The following JAK1 variants were observed in gnomAD, a reference collection of about 807,000 sequenced individuals.
The protein encoded by JAK1 is tyrosine-protein kinase JAK1.
In JAK1, 16 loss-of-function variants were observed where a neutral mutation model predicts 136.6. That is an observed-to-expected ratio of 0.12 (90% CI 0.08 to 0.18). The LOEUF (loss-of-function observed/expected upper bound fraction) is 0.18, where lower values mean the gene tolerates loss of function less well. Ranked by LOEUF, JAK1 falls within the 10% of genes least tolerant of loss-of-function variation. JAK1 has a pLI of 1.00. For synonymous variants in JAK1, 492 were observed against 519.5 expected, an observed-to-expected ratio of 0.95 and a Z score of 0.72; for missense variants, 859 against 1,450.1, an observed-to-expected ratio of 0.59 and a Z score of 6.62.
At chr1:65,024,523 C>T (rs1646961477) in intron 2 of JAK1, among the ~76,000 whole-genome samples, 1 of 151,984 alleles carries the variant, frequency 6.6e-6, no homozygotes, top group Non-Finnish European at 1.5e-5. Flanking sequence ...TCTGTTGTAA[C>T]AGGTAAGCCT....
chr1:64,958,498 G>A (rs1235813329), intron 1 of JAK1, among the ~76,000 whole-genome samples: 2 of 152,182 alleles, frequency 1.3e-5, no homozygotes, highest in East Asian at 3.8e-4. Flanking sequence ...TCTATGTTAT[G>A]TGAATTAGTG....
At chr1:64,848,015 C>T (rs765951586) in intron 12 of JAK1, 5 of 216,070 alleles carry the variant, frequency 2.3e-5, no homozygotes, top group Admixed American at 5.5e-5. Context: ...GGGTCCCACC[C>T]CAGGCCTCCA....
At chr1:64,901,234 C>T (rs535256037) in intron 1 of JAK1, among the ~76,000 whole-genome samples, 1 of 152,146 alleles carries the variant, frequency 6.6e-6, no homozygotes, top group Non-Finnish European at 1.5e-5. Flanking sequence ...CTGACTATCC[C>T]CACCTCCTTC....
rs186172382 is a variant in JAK1, at chr1:64,837,063, C to T, written c.3141-848G>A. 1.2e-4 allele frequency among the ~76,000 whole-genome samples: 19 copies of T among 152,246 alleles called. No homozygotes were observed. In the South Asian group the frequency reaches 2.1e-3, roughly 17 times the overall value. ...CTAGTCACGCATGCTGTCTAGCAAC[C>T]GTCTGTCTAAACCCGCATGAATCTT... On this transcript the variant is annotated intron_variant, in intron 22 of 24. Transcript: ENST00000342505.
chr1:64,865,437 C>A (rs555167337), intron 7 of JAK1, among the ~76,000 whole-genome samples: 1 of 151,912 alleles, frequency 6.6e-6, no homozygotes, highest in East Asian at 1.9e-4. Flanking sequence ...AGAGAAGACA[C>A]GAATTTCATG....
intron 2 of JAK1, among the ~76,000 whole-genome samples, chr1:64,995,869 G>T (rs1646699358): frequency 1.3e-5 from 2 of 152,068 alleles, no homozygotes; most frequent in Admixed American, 6.6e-5. Context: ...CTCCTGAGTA[G>T]CCGGGACTAC....
intron 1 of JAK1, among the ~76,000 whole-genome samples, chr1:64,931,881 A>C (rs1350589929): frequency 1.3e-5 from 2 of 151,686 alleles, no homozygotes; most frequent in Non-Finnish European, 2.9e-5. Context: ...TATTAATGGA[A>C]GTGTTGTTCA....
rs559392338 is a variant in JAK1, at chr1:65,017,293, AC to A, written c.-78+27186del. On this transcript the variant is annotated intron_variant, in intron 2 of 25. Coordinates refer to the JAK1 transcript ENST00000671954. ...AGACCAGCCTAGCCAACATGGCGAA[AC>A]CCTGTCTCTACTAAAAATATAAAAA... 4.1e-4 allele frequency among the ~76,000 whole-genome samples: 63 copies of A among 152,164 alleles called. 2 individuals are homozygous for A. In the South Asian group the frequency reaches 0.013, roughly 31 times the overall value.
At chr1:64,843,777 A>G (rs1435294226) in intron 17 of JAK1, among the ~76,000 whole-genome samples, 4 of 152,234 alleles carry the variant, frequency 2.6e-5, no homozygotes, top group African/African-American at 9.7e-5. Context: ...AAATAATACT[A>G]TAACATCTAT....
chr1:64,957,084 C>T (rs1646201025), intron 1 of JAK1, among the ~76,000 whole-genome samples: 1 of 152,106 alleles, frequency 6.6e-6, no homozygotes, highest in South Asian at 2.1e-4. Context: ...AGGAAGCAGT[C>T]TCATGAGTGT....
At chr1:64,856,874 C>G (rs1387263294) in intron 10 of JAK1, among the ~76,000 whole-genome samples, 2 of 152,184 alleles carry the variant, frequency 1.3e-5, no homozygotes, top group African/African-American at 2.4e-5. Flanking sequence ...CTGCGTCTAC[C>G]CTCCGTGCCA....
intron 2 of JAK1, among the ~76,000 whole-genome samples, chr1:64,980,805 T>C (rs1289089116): frequency 6.6e-6 from 1 of 151,874 alleles, no homozygotes; most frequent in Non-Finnish European, 1.5e-5. Context: ...TTCCCACCTA[T>C]GGAGTGAGAA....
intron 2 of JAK1, among the ~76,000 whole-genome samples, chr1:64,973,470 T>C (rs1319608815): frequency 6.6e-6 from 1 of 152,018 alleles, no homozygotes; most frequent in East Asian, 1.9e-4. Context: ...CTAAATATTT[T>C]ACACATTCAG....
exon 1 of JAK1, chr1:65,067,691 A>C (rs997388150): frequency 6.7e-6 from 1 of 149,288 alleles, no homozygotes; most frequent in African/African-American, 2.5e-5. Flanking sequence ...AAGGCTCGCC[A>C]CAACGTGACC....
rs562778724 is a variant in JAK1 at position 64,860,733 on chromosome 1, G to A, written c.1177-471C>T. ...CTCCCAAAGTGCTGGGATTACAGCC[G>A]TGAGCCACTGTGCCCGATCCCCCTT... On this transcript the variant is annotated intron_variant, in intron 8 of 24. Coordinates refer to ENST00000342505, the MANE Select transcript of JAK1 (RefSeq NM_002227.4). 7.9e-5 allele frequency among the ~76,000 whole-genome samples: 12 copies of A among 152,084 alleles called. 1 individual carries two copies. The South Asian group carries it at 2.5e-3, about 31-fold the overall frequency.
rs146115991 is a variant in JAK1 at position 65,050,758 on chromosome 1, G to C, written c.-180-6176C>G. On this transcript the variant is annotated intron_variant, in intron 1 of 25. Transcript: ENST00000671954. ...TTTAAAGCAATTTTACACATGCTGG[G>C]TCTAACTCTGTTTCGAAGCCTCACC... Among the ~76,000 whole-genome samples the C allele has an allele frequency of 2.9e-3, 442 of 152,246 alleles. 4 individuals are homozygous for C. Among genetic ancestry groups the C allele is most frequent in the African/African-American group, 0.01 (416 of 41,554 alleles).
intron 1 of JAK1, among the ~76,000 whole-genome samples, chr1:65,057,450 C>T (rs1647597673): frequency 1.3e-5 from 2 of 152,142 alleles, no homozygotes; most frequent in Non-Finnish European, 1.5e-5. Flanking sequence ...CCTGTAATCC[C>T]AGCACTTTGG....
intron 1 of JAK1, among the ~76,000 whole-genome samples, chr1:64,940,131 G>C (rs9645414): frequency 0.52 from 79,081 of 151,920 alleles, 24,757 homozygotes; most frequent in Middle Eastern, 0.76. Context: ...GCTTCAAGGA[G>C]AGAAAACCGG....
At chr1:65,043,268 G>A (rs944384935) in intron 2 of JAK1, among the ~76,000 whole-genome samples, 14 of 152,172 alleles carry the variant, frequency 9.2e-5, no homozygotes, top group Non-Finnish European at 1.5e-5. Context: ...TTCTAAAGGT[G>A]AGGAGATGGA....
Sources: gnomAD v4.1 joint callset for allele counts (sites outside exome capture counted in the v4.1 genomes callset) on GRCh38, gnomAD v4.1.1 for gene constraint, MANE v1.5 for transcripts, NCBI Gene and HGNC (gene_info 2026-07-23, HGNC 2026-07-21) for gene names.